Variants in CROCC observed in about 807,000 individuals in gnomAD.
CROCC encodes the protein rootletin.
In CROCC, 180 loss-of-function variants were observed where a neutral mutation model predicts 245.2. The observed-to-expected ratio is 0.73, with a 90% CI of 0.65 to 0.83. The LOEUF (loss-of-function observed/expected upper bound fraction) is 0.83, where lower values mean the gene tolerates loss of function less well. CROCC is among the 40% of genes least tolerant of loss of function. The pLI is 0.00. For missense variants in CROCC, 2,688 were observed against 2,779.4 expected (o/e 0.97, Z 0.74); for synonymous variants, 1,205 against 1,241.6 (o/e 0.97, Z 0.62).
rs781726032 is a variant in CROCC at position 16,936,893 on chromosome 1, C to T, written c.1193+20C>T. On this transcript the variant is annotated intron_variant, in intron 9 of 36. Coordinates refer to ENST00000375541, the MANE Select transcript of CROCC (RefSeq NM_014675.5). ...TGCCAGGTGGGTACCTGGTGGATGC[C>T]GCACGAGGCAGGCGTCCCTGCAGAA... 4.7e-5 allele frequency: 75 copies of T among 1,587,172 alleles called. No individual in the cohort carries two copies. Among genetic ancestry groups the T allele is most frequent in the African/African-American group, 1.5e-4 (11 of 74,722 alleles).
chr1:16,965,876 G>T lies in CROCC; in HGVS notation c.4559G>T (p.Ser1520Ile). 1.2e-6 allele frequency: 2 copies of T among 1,613,534 alleles called. No individual in the cohort carries two copies. The highest frequency in any genetic ancestry group is 1.7e-6 in the Non-Finnish European group (2 of 1,179,964). ...ALREFLQELR[S>I]AQRERDELRT... Reference sequence around the variant, plus strand: ...CGGGAATTCCTGCAAGAGCTGCGGAGTGCCCAGAGAGAACGGGTAAGCCTG... The same window carrying T: ...CGGGAATTCCTGCAAGAGCTGCGGATTGCCCAGAGAGAACGGGTAAGCCTG... Residue 1520 changes from serine (S) to isoleucine (I), a missense_variant, in exon 28 of 37, where the codon AGT becomes ATT. Physicochemically the swap from Ser to Ile is moderately radical, Grantham distance 142. Transcript: ENST00000375541.
In CROCC at chr1:16,954,971, T is replaced by G; in HGVS notation, c.3465+94T>G. ...CCCAGGGCCCCAGAAGAGTGTAAGA[T>G]TCCTCCCTGCATTTGAGGACCAATG... On this transcript the variant is annotated intron_variant, in intron 23 of 36. Transcript: ENST00000375541. The surrounding 1 kb of genome is among the most constrained non-coding windows in gnomAD (Gnocchi z 4.4). 1 of 1,387,002 alleles carries G rather than the reference T, an allele frequency of 7.2e-7. No individual in the cohort carries two copies. Among genetic ancestry groups the G allele is most frequent in the Non-Finnish European group, 9.5e-7 (1 of 1,048,816 alleles). 85.9% of individuals were successfully genotyped at this position (1,387,002 alleles called of 1,614,324 possible).
Position 16,953,426 on chromosome 1 carries a change from C to T in CROCC, c.3131C>T (p.Ala1044Val). ...EKEELSEEIA[A>V]LQQERDEGLL... ...GAAGAGCTGAGTGAGGAGATTGCTG[C>T]CCTGCAGCAGGAGCGCGACGAGGGC... Residue 1044 changes from alanine to valine, a missense_variant, in exon 21 of 37, where the codon GCC becomes GTC. Physicochemically the swap from Ala to Val is moderately conservative, Grantham distance 64 (BLOSUM62 0). Transcript: ENST00000375541. 1 of 1,610,796 alleles carries T rather than the reference C, an allele frequency of 6.2e-7. No individual in the cohort carries two copies. Among genetic ancestry groups the T allele is most frequent in the Non-Finnish European group, 8.5e-7 (1 of 1,179,908 alleles).
At chr1:16,921,112 C>T (rs2075394386), upstream of CROCC, among the ~76,000 whole-genome samples, 1 of 152,276 alleles carries the variant, frequency 6.6e-6, no homozygotes, top group South Asian at 2.1e-4. Flanking sequence ...ACGTGACCCC[C>T]CAGCACCATG....
In CROCC at chr1:16,968,199, G is replaced by A. The variant is rs1432388388; in HGVS notation, c.4861-4G>A. ...TCTGGGCCTGAGCCCCATGCCACCT[G>A]CAGGAGAAGATCAGCAAGATGAAGG... On this transcript the variant is annotated splice_region_variant and splice_polypyrimidine_tract_variant and intron_variant, in intron 30 of 36. Transcript: ENST00000375541. 3 of 1,558,136 alleles carry A rather than the reference G, an allele frequency of 1.9e-6. No individual in the cohort carries two copies. The highest frequency in any genetic ancestry group is 2.4e-5 in the South Asian group (2 of 84,460).
At position 16,922,749 on chromosome 1, in the gene CROCC, C is replaced by T. The variant is rs1403672313; in HGVS notation, c.147C>T (p.Ala49=). 1 of 1,613,956 alleles carries T rather than the reference C, an allele frequency of 6.2e-7. No homozygotes were observed. The change falls in exon 2 of 37, where the codon GCC becomes GCT. Residue 49 remains alanine (A), a synonymous_variant. Transcript: ENST00000375541. The part of the protein sequence containing the change: ...AQDAQITSLP[A]LIREIVTRNL... ...ACGCTCAGATCACCAGCCTGCCTGC[C>T]CTTATCAGGGAGATTGTCACCCGCA...
chr1:16,955,676 G>A, intron 24 of CROCC, 126 bp downstream of exon 24: 1 of 912,644 alleles, frequency 1.1e-6, no homozygotes, highest in Non-Finnish European at 1.6e-6. Context: ...GCAGAGCCTG[G>A]CACCTGGGTG....
At position 16,954,689 on chromosome 1, in the gene CROCC, TG is replaced by T; in HGVS notation, c.3322-40del. ...GAGCGGGTTGGGAGCAGCCCGGGGC[TG>T]GGGGACACAGCAGGACCAAGTCTGA... On this transcript the variant is annotated intron_variant, in intron 22 of 36. Transcript: ENST00000375541. This position sits in a 1 kb window ranked among gnomAD's most constrained non-coding sequence, Gnocchi z 4.4. The T allele has an allele frequency of 6.6e-7, 1 of 1,512,462 alleles. No individual in the cohort carries two copies. The highest frequency in any genetic ancestry group is 2.1e-5 in the Admixed American group (1 of 47,022). 93.7% of individuals were successfully genotyped at this position (1,512,462 alleles called of 1,614,324 possible).
rs763069527 is a variant in CROCC at position 16,970,681 on chromosome 1, A to C, written c.5698A>C (p.Ser1900Arg). ...TAGCCATGAGGACACAGTGCGGCTG[A>C]GCGCAGAGAAGGGCCGCCTGGACCG... is the stretch of plus-strand genomic sequence containing the variant. The part of the protein sequence containing the change: ...LRSHEDTVRL[S>R]AEKGRLDRTL... The change falls in exon 35 of 37, where the codon AGC becomes CGC. Residue 1900 changes from serine to arginine, a missense_variant. Coordinates refer to ENST00000375541, the MANE Select transcript of CROCC (RefSeq NM_014675.5). The C allele has an allele frequency of 1.2e-6, 2 of 1,600,108 alleles. No homozygotes were observed. The highest frequency in any genetic ancestry group is 1.3e-5 in the African/African-American group (1 of 74,432).
rs1162760987 is a variant in CROCC at position 16,951,132 on chromosome 1, G to T, written c.3006+10G>T. The T allele has an allele frequency of 2.7e-6, 4 of 1,501,404 alleles. No homozygotes were observed. In the East Asian group the frequency reaches 7.3e-5, roughly 28 times the overall value. 93.0% of individuals were successfully genotyped at this position (1,501,404 alleles called of 1,614,324 possible). On this transcript the variant is annotated intron_variant, in intron 20 of 36. Coordinates refer to ENST00000375541, the MANE Select transcript of CROCC (RefSeq NM_014675.5). ...ACTCCAGCGTGAAAAGGTTCAGGCA[G>T]CTGGGGAGGGGTGGGCAGGACTCTG...
At chr1:16,958,846 C>T in intron 26 of CROCC, 96 bp downstream of exon 26, 1 of 1,378,058 alleles carries the variant, frequency 7.3e-7, no homozygotes, top group Non-Finnish European at 9.8e-7. Flanking sequence ...AAGGCCACTC[C>T]CTAGGGCTTG....
At chr1:16,965,538 C>G (rs1331182578) in intron 27 of CROCC, among the ~76,000 whole-genome samples, 185 bp from the exon 28 acceptor site, 1 of 152,166 alleles carries the variant, frequency 6.6e-6, no homozygotes, top group Non-Finnish European at 1.5e-5. Context: ...ATGGGAGATG[C>G]AGGGTGGCCA....
chr1:16,939,221 C>CGGGGGG, intron 12 of CROCC, 79 bp downstream of exon 12: 1 of 561,568 alleles, frequency 1.8e-6, no homozygotes, highest in Non-Finnish European at 2.7e-6. Flanking sequence ...GGGGCGGGGG[C>CGGGGGG]GGGGGCAGGT....
Position 16,960,854 on chromosome 1 carries a change from G to A in CROCC, c.4129G>A (p.Glu1377Lys), listed in dbSNP as rs1458871927. ...CTCCCTGGAGGAGGCGCGTGGCACT[G>A]AAAAGCAGCAGCTGGACCACGCCCG... is the stretch of plus-strand genomic sequence containing the variant. ...LGSLEEARGTEKQQLDHARGL... is the reference protein window; with the variant it reads ...LGSLEEARGTKKQQLDHARGL... Residue 1377 changes from glutamate to lysine, a missense_variant, in exon 27 of 37, where the codon GAA (glutamate) becomes AAA (lysine). By Grantham distance (56) the Glu-to-Lys change is moderately conservative. Transcript: ENST00000375541. The A allele has an allele frequency of 5.3e-6, 8 of 1,519,312 alleles. No homozygotes were observed. Among genetic ancestry groups the A allele is most frequent in the East Asian group, 2.6e-5 (1 of 39,196 alleles). The allele number at this position is 1,519,312 out of a possible 1,614,324, so 94.1% of individuals were successfully genotyped here.
intron 20 of CROCC, chr1:16,951,987 G>T (rs564756934): frequency 6.6e-6 from 1 of 152,008 alleles, no homozygotes; most frequent in African/African-American, 2.4e-5. Flanking sequence ...CACTTTCTGG[G>T]TTCAAGCGAT....
At position 16,932,742 on chromosome 1, in the gene CROCC, TG is replaced by T. The variant is rs1309200897; in HGVS notation, c.956+1348del. Among the ~76,000 whole-genome samples the T allele has an allele frequency of 3.3e-5, 5 of 152,378 alleles. No individual in the cohort carries two copies. In the East Asian group the frequency reaches 9.6e-4, roughly 29 times the overall value. ...GAGAGCCTGCCTCAGCGGGGGAGCT[TG>T]GGCCTGCCTGATCCGTGTGAGCAGT... On this transcript the variant is annotated intron_variant, in intron 8 of 36. Transcript: ENST00000375541.
intron 17 of CROCC, among the ~76,000 whole-genome samples, chr1:16,947,471 T>TAAG (rs1416002111): frequency 9.2e-5 from 11 of 120,064 alleles, no homozygotes; most frequent in African/African-American, 3.8e-4. Context: ...TCCGTCTCAA[T>TAAG]AATAATAATA....
intron 8 of CROCC, among the ~76,000 whole-genome samples, chr1:16,934,362 C>T (rs56882821): frequency 0.16 from 23,456 of 146,808 alleles, 3 homozygotes; most frequent in East Asian, 0.4. Context: ...TGCAGTGGCA[C>T]AATCACAACT....
Position 16,954,484 on chromosome 1 carries a change from G to A in CROCC, c.3321+127G>A. Reference sequence around the variant, plus strand: ...TCCAGGCTGTGGGAAAGGAGGTTTAGCCCTTCTTTTGGGAGCCCCCATCTG... The same window carrying A: ...TCCAGGCTGTGGGAAAGGAGGTTTAACCCTTCTTTTGGGAGCCCCCATCTG... On this transcript the variant is annotated intron_variant, in intron 22 of 36. Transcript: ENST00000375541. This position sits in a 1 kb window ranked among gnomAD's most constrained non-coding sequence, Gnocchi z 4.4. 7.4e-7 allele frequency: 1 copy of A among 1,359,986 alleles called. No individual in the cohort carries two copies. The highest frequency in any genetic ancestry group is 9.9e-7 in the Non-Finnish European group (1 of 1,013,448). 84.2% of individuals were successfully genotyped at this position (1,359,986 alleles called of 1,614,324 possible).
Sources: gnomAD v4.1 joint callset for allele counts (sites outside exome capture counted in the v4.1 genomes callset) on GRCh38, gnomAD v4.1.1 for gene constraint, Gnocchi (gnomAD v3.1) non-coding constraint, MANE v1.5 for transcripts, NCBI Gene and HGNC (gene_info 2026-07-23, HGNC 2026-07-21) for gene names.